Variants in SGCZ observed in about 807,000 individuals in gnomAD.
The protein encoded by SGCZ is zeta-sarcoglycan.
A neutral mutation model predicts 41.3 loss-of-function variants in SGCZ; 40 were observed. That is an observed-to-expected ratio of 0.97 (90% CI 0.75 to 1.26). SGCZ has a LOEUF of 1.26. Among genes scored for constraint, SGCZ ranks in the 50% most tolerant of loss-of-function variants. The pLI is 0.00. For missense variants in SGCZ, 552 were observed against 369.8 expected, an observed-to-expected ratio of 1.49 and a Z score of -4.04; for synonymous variants, 206 against 137.5, an observed-to-expected ratio of 1.50 and a Z score of -3.49.
chr8:15,122,791 T>A (rs1224840068), intron 1 of SGCZ, among the ~76,000 whole-genome samples: 1 of 152,204 alleles, frequency 6.6e-6, no homozygotes, highest in Non-Finnish European at 1.5e-5. Context: ...TCCTGTTGGT[T>A]CAATTTCACC....
At chr8:14,819,965 TA>T (rs1802023956) in intron 1 of SGCZ, among the ~76,000 whole-genome samples, 1 of 151,972 alleles carries the variant, frequency 6.6e-6, no homozygotes, top group African/African-American at 2.4e-5. Context: ...AATGTACCTA[TA>T]AAAGAACCAG....
chr8:14,860,975 G>C (rs988155522), intron 1 of SGCZ, among the ~76,000 whole-genome samples: 78 of 152,318 alleles, frequency 5.1e-4, no homozygotes, highest in African/African-American at 1.8e-3. Flanking sequence ...GCTTCATACA[G>C]TAGGTATCAC....
Position 14,565,255 on chromosome 8 carries a change from T to G in SGCZ, c.40-10329A>C, listed in dbSNP as rs531347765. Among the ~76,000 whole-genome samples, 6 of 152,236 alleles carry G rather than the reference T, an allele frequency of 3.9e-5. 1 individual carries two copies. The South Asian group carries it at 1.2e-3, about 32-fold the overall frequency. On this transcript the variant is annotated intron_variant, in intron 1 of 7. Coordinates refer to ENST00000382080, the MANE Select transcript of SGCZ (RefSeq NM_139167.4). ...TTACATACCTCATACATCCTAAAAT[T>G]AGACAGTTTTATGTGGGAAATAGTT...
rs547277862 is a variant in SGCZ at position 14,409,185 on chromosome 8, C to T, written c.235-84981G>A. 2.4e-4 allele frequency among the ~76,000 whole-genome samples: 36 copies of T among 152,006 alleles called. No individual in the cohort carries two copies. In the South Asian group the frequency reaches 2.9e-3, roughly 12 times the overall value. ...TAGTCACTCATTTATATAACCAACA[C>T]GTTATTTATTAAGCATTTACTTATA... On this transcript the variant is annotated intron_variant, in intron 2 of 7. Coordinates refer to ENST00000382080, the MANE Select transcript of SGCZ (RefSeq NM_139167.4).
At chr8:14,534,802 T>TA (rs1260096383) in intron 2 of SGCZ, among the ~76,000 whole-genome samples, 3 of 152,012 alleles carry the variant, frequency 2.0e-5, no homozygotes, top group Non-Finnish European at 4.4e-5. Context: ...CTAAATATTT[T>TA]AGGCTGATAC....
At chr8:14,687,079 A>G (rs1420983741) in intron 1 of SGCZ, among the ~76,000 whole-genome samples, 1 of 151,054 alleles carries the variant, frequency 6.6e-6, no homozygotes, top group Non-Finnish European at 1.5e-5. Context: ...AGATTTGTAC[A>G]TTTTACATTA....
intron 1 of SGCZ, among the ~76,000 whole-genome samples, chr8:14,763,844 A>G (rs1799959809): frequency 6.6e-6 from 1 of 152,240 alleles, no homozygotes; most frequent in Non-Finnish European, 1.5e-5. Context: ...GTGAATAAGG[A>G]CACAGATAGT....
rs73521691 is a variant in SGCZ, at chr8:14,641,968, G to A, written c.40-87042C>T. ...CAAAAGCTACTTACTTCCTGAACAC[G>A]TATCTCTGCAGGGATGCAAGGCCTT... is the stretch of plus-strand genomic sequence containing the variant. On this transcript the variant is annotated intron_variant, in intron 1 of 7. Transcript: ENST00000382080. Among the ~76,000 whole-genome samples the A allele has an allele frequency of 7.6e-3, 1,159 of 151,696 alleles. 16 individuals carry two copies. Among genetic ancestry groups the A allele is most frequent in the African/African-American group, 0.027 (1,104 of 41,442 alleles).
chr8:14,260,303 T>G (rs1232843504), intron 3 of SGCZ, among the ~76,000 whole-genome samples: 3 of 151,290 alleles, frequency 2.0e-5, no homozygotes, highest in Non-Finnish European at 3.0e-5. Context: ...AACAGACACT[T>G]CTCAAAAGAA....
In SGCZ at chr8:14,952,132, A is replaced by G. The variant is rs189147811; in HGVS notation, c.39+285453T>C. Reference sequence around the variant, plus strand: ...TGGGGTCAATTATAGTTTCAGACCTAGATAAACTAACACACTAAAATATAT... The same window carrying G: ...TGGGGTCAATTATAGTTTCAGACCTGGATAAACTAACACACTAAAATATAT... On this transcript the variant is annotated intron_variant, in intron 1 of 7. Transcript: ENST00000382080. 2.6e-5 allele frequency among the ~76,000 whole-genome samples: 4 copies of G among 152,260 alleles called. No homozygotes were observed. In the East Asian group the frequency reaches 5.8e-4, roughly 22 times the overall value.
At chr8:14,728,714 A>G (rs941573423) in intron 1 of SGCZ, among the ~76,000 whole-genome samples, 4 of 152,182 alleles carry the variant, frequency 2.6e-5, no homozygotes, top group African/African-American at 9.7e-5. Context: ...AAATTTAGCA[A>G]TATGATATTC....
At chr8:14,958,932 T>C (rs567768360) in intron 1 of SGCZ, among the ~76,000 whole-genome samples, 34 of 152,174 alleles carry the variant, frequency 2.2e-4, no homozygotes, top group Middle Eastern at 3.4e-3. Flanking sequence ...ATAGACAGAT[T>C]CTCTAAAACT....
In SGCZ at chr8:14,705,717, A is replaced by T. The variant is rs115480010; in HGVS notation, c.40-150791T>A. Among the ~76,000 whole-genome samples, 1,357 of 152,196 alleles carry T rather than the reference A, an allele frequency of 8.9e-3. 17 individuals carry two copies. Among genetic ancestry groups the T allele is most frequent in the African/African-American group, 0.031 (1,282 of 41,572 alleles). On this transcript the variant is annotated intron_variant, in intron 1 of 7. Transcript: ENST00000382080. ...GCACTGATTACATGAAATTCTAGGA[A>T]GCAGAGGTTCTGAAATAGAACATAG...
chr8:14,144,132 T>A (rs930390505), intron 5 of SGCZ, among the ~76,000 whole-genome samples: 1 of 152,136 alleles, frequency 6.6e-6, no homozygotes, highest in Non-Finnish European at 1.5e-5. Flanking sequence ...GGCATGTGAC[T>A]GACATACTGA....
chr8:14,922,766 A>C (rs1361905785), intron 1 of SGCZ, among the ~76,000 whole-genome samples: 1 of 152,216 alleles, frequency 6.6e-6, no homozygotes. Flanking sequence ...TAAAATAACA[A>C]TTCAGTGCAA....
intron 1 of SGCZ, among the ~76,000 whole-genome samples, chr8:15,102,569 T>C (rs1806655311): frequency 6.6e-6 from 1 of 152,188 alleles, no homozygotes; most frequent in Non-Finnish European, 1.5e-5. Context: ...ATAACAAGCA[T>C]ACCACGCTAA....
chr8:14,508,981 A>T, intron 2 of SGCZ, among the ~76,000 whole-genome samples: 1 of 152,174 alleles, frequency 6.6e-6, no homozygotes, highest in East Asian at 1.9e-4. Context: ...GAAACAAATT[A>T]TACAAATTCA....
intron 1 of SGCZ, among the ~76,000 whole-genome samples, chr8:15,031,272 A>T (rs953726758): frequency 3.3e-5 from 5 of 152,156 alleles, no homozygotes; most frequent in African/African-American, 1.2e-4. Flanking sequence ...CTTCTTAGTT[A>T]TGGGTTGAAG....
intron 2 of SGCZ, among the ~76,000 whole-genome samples, chr8:14,492,446 A>G (rs1216592493): frequency 2.0e-5 from 3 of 152,190 alleles, no homozygotes; most frequent in Non-Finnish European, 4.4e-5. Flanking sequence ...AGAGAATAAA[A>G]TTGGTGAACT....
Sources: allele counts gnomAD v4.1 joint callset (sites outside exome capture counted in the v4.1 genomes callset), GRCh38; gene constraint gnomAD v4.1.1; transcripts MANE v1.5; gene names NCBI Gene and HGNC (gene_info 2026-07-23, HGNC 2026-07-21).